Variants in MTCL1 observed in about 807,000 individuals in gnomAD.
MTCL1 encodes the protein microtubule crosslinking factor 1, also known as microtubule cross-linking factor 1.
A neutral mutation model predicts 141.4 loss-of-function variants in MTCL1; 79 were observed. The ratio of observed to expected loss-of-function variants is 0.56; its 90% CI spans 0.47 to 0.67. The LOEUF (loss-of-function observed/expected upper bound fraction) is 0.67, where lower values mean the gene tolerates loss of function less well. MTCL1 is among the 30% of genes least tolerant of loss of function. The pLI is 0.00. For missense variants in MTCL1, 2,177 were observed against 2,113.9 expected (o/e 1.03, Z -0.59); for synonymous variants, 914 against 875.8 (o/e 1.04, Z -0.77).
chr18:8,821,837 C>T (rs2076856197), intron 14 of MTCL1, among the ~76,000 whole-genome samples: 1 of 152,120 alleles, frequency 6.6e-6, no homozygotes, highest in Non-Finnish European at 1.5e-5. Context: ...GGAAAACTCT[C>T]TTTTGTATGC....
chr18:8,825,905 G>A (rs2077007849), exon 15 of MTCL1: 1 of 1,612,088 alleles, frequency 6.2e-7, no homozygotes, highest in Admixed American at 1.7e-5. Context: ...AGGGGCTGCG[G>A]GCCGGCAGTC....
At chr18:8,778,034 C>T (rs1598612251) in intron 5 of MTCL1, 142 bp downstream of exon 4, 3 of 652,114 alleles carry the variant, frequency 4.6e-6, no homozygotes, top group East Asian at 5.7e-5. Flanking sequence ...TCATTCCTAA[C>T]CTCCACAGTG....
chr18:8,745,590 CAT>C (rs919717607), intron 4 of MTCL1, among the ~76,000 whole-genome samples: 5 of 152,168 alleles, frequency 3.3e-5, no homozygotes, highest in African/African-American at 7.2e-5. Flanking sequence ...TATTACAAAA[CAT>C]GTGTCTGTGA....
chr18:8,829,474 G>A, intron 16 of MTCL1: 1 of 952,142 alleles, frequency 1.1e-6, no homozygotes. Flanking sequence ...CCTTCCAAGT[G>A]AGCACCGTGG....
intron 7 of MTCL1, among the ~76,000 whole-genome samples, chr18:8,790,657 A>ATT (rs2075690036): frequency 6.6e-6 from 1 of 152,232 alleles, no homozygotes; most frequent in African/African-American, 2.4e-5. Context: ...TATCCTCTTA[A>ATT]ATACATCGCT....
intron 4 of MTCL1, among the ~76,000 whole-genome samples, chr18:8,753,280 C>T (rs113957414): frequency 1.0e-3 from 158 of 152,318 alleles, no homozygotes; most frequent in African/African-American, 3.7e-3. Context: ...TATGAATCAA[C>T]TATGATGTCA....
At chr18:8,716,487 G>A (rs1481078360), upstream of MTCL1, among the ~76,000 whole-genome samples, 1 of 151,742 alleles carries the variant, frequency 6.6e-6, no homozygotes, top group Non-Finnish European at 1.5e-5. Context: ...TTTTCCATAA[G>A]GATTCACATT....
chr18:8,778,091 C>T, intron 5 of MTCL1, 199 bp downstream of exon 4: 1 of 477,274 alleles, frequency 2.1e-6, no homozygotes, highest in South Asian at 4.0e-5. Flanking sequence ...TTGTTTCTCC[C>T]TCACGCTGAC....
chr18:8,771,826 G>A (rs1192181416), intron 4 of MTCL1, among the ~76,000 whole-genome samples: 2 of 152,176 alleles, frequency 1.3e-5, no homozygotes, highest in African/African-American at 4.8e-5. Context: ...AATTGATCAG[G>A]CTAAAAGGAG....
chr18:8,754,912 T>A (rs993261414), intron 4 of MTCL1, among the ~76,000 whole-genome samples: 2 of 152,230 alleles, frequency 1.3e-5, no homozygotes, highest in East Asian at 3.8e-4. Context: ...AGCTCTGCCC[T>A]GACTCCCTGG....
At chr18:8,720,446 G>A in exon 4 of MTCL1, 1 of 1,614,030 alleles carries the variant, frequency 6.2e-7, no homozygotes, top group South Asian at 1.1e-5. Flanking sequence ...GATGATTGAA[G>A]TGGAAATATC....
intron 6 of MTCL1, 168 bp from the exon 6 acceptor site, chr18:8,785,768 G>C: frequency 1.3e-6 from 1 of 759,498 alleles, no homozygotes; most frequent in Non-Finnish European, 2.1e-6. Context: ...CTTTAAGCCT[G>C]TGTTTCTGTT....
Position 8,796,394 on chromosome 18 carries a change from C to T in MTCL1, c.2173C>T (p.Leu725Phe), listed in dbSNP as rs1051682091. 6 of 1,614,080 alleles carry T rather than the reference C, an allele frequency of 3.7e-6. No homozygotes were observed. In the African/African-American group the frequency reaches 6.7e-5, roughly 18 times the overall value. Residue 725 changes from leucine to phenylalanine, a missense_variant, in exon 9 of 17, where the codon CTC becomes TTC. By Grantham distance (22) the Leu-to-Phe change is conservative. Coordinates refer to ENST00000359865, the Ensembl canonical transcript of MTCL1. ...GAACATTTTCCTCTTCTACGTCAAA[C>T]TCAGGTGGCTGCTGAAACACTGGCG...
intron 4 of MTCL1, among the ~76,000 whole-genome samples, chr18:8,747,806 T>C (rs7229462): frequency 0.011 from 1,682 of 152,260 alleles, 37 homozygotes; most frequent in African/African-American, 0.038. Context: ...ACAGGATCAG[T>C]GGGCTCGCAT....
At chr18:8,709,728 C>T (rs567772669) in intron 1 of MTCL1, among the ~76,000 whole-genome samples, 1 of 152,226 alleles carries the variant, frequency 6.6e-6, no homozygotes, top group South Asian at 2.1e-4. Flanking sequence ...GACCAAAGCC[C>T]AATTCAATAG....
exon 10 of MTCL1, chr18:8,798,160 G>T (rs2075990005): frequency 2.5e-6 from 4 of 1,595,820 alleles, no homozygotes; most frequent in Non-Finnish European, 2.6e-6. Context: ...TCACCAGGCG[G>T]ATGGCCCAGA....
intron 12 of MTCL1, among the ~76,000 whole-genome samples, 189 bp from the exon 12 acceptor site, chr18:8,818,774 G>GT (rs1291985856): frequency 6.6e-6 from 1 of 152,092 alleles, no homozygotes. Flanking sequence ...AAAATTGTGG[G>GT]TTTTGTAAAG....
At chr18:8,763,164 G>T (rs138567664) in intron 4 of MTCL1, among the ~76,000 whole-genome samples, 2 of 152,186 alleles carry the variant, frequency 1.3e-5, no homozygotes, top group Admixed American at 1.3e-4. Context: ...AAGATGTGCC[G>T]AGTTGTTCTG....
At chr18:8,825,988 C>G (rs745335148) in exon 15 of MTCL1, 1 of 1,599,534 alleles carries the variant, frequency 6.3e-7, no homozygotes, top group Non-Finnish European at 8.5e-7. Context: ...CGAGGAAGGT[C>G]GCCTAGCCCC....
Sources: allele counts gnomAD v4.1 joint callset (sites outside exome capture counted in the v4.1 genomes callset), GRCh38; gene constraint gnomAD v4.1.1; transcripts MANE v1.5; gene names NCBI Gene and HGNC (gene_info 2026-07-23, HGNC 2026-07-21).